The following GRK5 variants were observed in gnomAD, a reference collection of about 807,000 sequenced individuals.
GRK5 encodes the protein G protein-coupled receptor kinase 5.
In GRK5, 40 loss-of-function variants were observed where a neutral mutation model predicts 78.4. The observed-to-expected ratio is 0.51, with a 90% CI of 0.40 to 0.66. The LOEUF (loss-of-function observed/expected upper bound fraction) is 0.66. Among genes scored for constraint, GRK5 ranks in the 30% least tolerant of loss-of-function variants. GRK5 has a pLI of 0.00. For missense variants in GRK5, 598 were observed against 759.9 expected, an observed-to-expected ratio of 0.79 and a Z score of 2.50; for synonymous variants, 289 against 296.8, an observed-to-expected ratio of 0.97 and a Z score of 0.27.
Position 119,453,271 on chromosome 10 carries a change from C to G in GRK5, c.1669C>G (p.Arg557Gly), listed in dbSNP as rs556570876. 3.7e-6 allele frequency: 6 copies of G among 1,613,970 alleles called. No individual in the cohort carries two copies. Among genetic ancestry groups the G allele is most frequent in the Non-Finnish European group, 5.1e-6 (6 of 1,179,994 alleles). The change falls in exon 15 of 16, where the codon CGG becomes GGG. Residue 557 changes from arginine to glycine, a missense_variant. Coordinates refer to ENST00000392870, the MANE Select transcript of GRK5 (RefSeq NM_005308.3). The part of the protein sequence containing the change: ...KKGLLQRLFK[R>G]QHQNNSKSSP... ...AGGGCTGCTCCAGAGACTCTTCAAGCGGCAGGTGAGACACCCATGCCTGGC... is the reference window on the plus strand; with the variant it reads ...AGGGCTGCTCCAGAGACTCTTCAAGGGGCAGGTGAGACACCCATGCCTGGC...
intron 13 of GRK5, among the ~76,000 whole-genome samples, chr10:119,451,398 C>G: frequency 6.6e-6 from 1 of 152,092 alleles, no homozygotes; most frequent in South Asian, 2.1e-4. Flanking sequence ...GCAAGCCACC[C>G]AGGGCCAGCT....
intron 1 of GRK5, among the ~76,000 whole-genome samples, chr10:119,295,718 A>G (rs1850067729): frequency 6.6e-6 from 1 of 152,018 alleles, no homozygotes; most frequent in Non-Finnish European, 1.5e-5. Context: ...AAAACCAAAC[A>G]TCGTATGTTC....
At chr10:119,348,398 A>G (rs142057763) in intron 2 of GRK5, among the ~76,000 whole-genome samples, 10 of 151,804 alleles carry the variant, frequency 6.6e-5, no homozygotes, top group Non-Finnish European at 1.5e-4. Context: ...GTAAGCAGGC[A>G]ATGAATAAGT....
chr10:119,302,472 C>A (rs1351163902), intron 1 of GRK5, among the ~76,000 whole-genome samples: 1 of 152,152 alleles, frequency 6.6e-6, no homozygotes, highest in Non-Finnish European at 1.5e-5. Context: ...GAGCAGTGAC[C>A]ACCTCTAATC....
chr10:119,258,977 T>C (rs966654859), intron 1 of GRK5, among the ~76,000 whole-genome samples: 5 of 152,086 alleles, frequency 3.3e-5, no homozygotes, highest in Non-Finnish European at 5.9e-5. Flanking sequence ...TTTGGAAGTC[T>C]GGCCCAGGTG....
intron 3 of GRK5, among the ~76,000 whole-genome samples, chr10:119,394,895 A>C (rs1345203750): frequency 7.0e-6 from 1 of 143,860 alleles, no homozygotes; most frequent in African/African-American, 2.5e-5. Context: ...GGGGGCACAG[A>C]GGAAGAAAAT....
At position 119,299,673 on chromosome 10, in the gene GRK5, A is replaced by G. The variant is rs142393734; in HGVS notation, c.53-26843A>G. Among the ~76,000 whole-genome samples, 421 of 152,222 alleles carry G rather than the reference A, an allele frequency of 2.8e-3. 1 individual carries two copies. The highest frequency in any genetic ancestry group is 9.6e-3 in the African/African-American group (398 of 41,524). On this transcript the variant is annotated intron_variant, in intron 1 of 15. Coordinates refer to ENST00000392870, the MANE Select transcript of GRK5 (RefSeq NM_005308.3). ...AGTGCAAGGCCTCATTTTCTGCAAG[A>G]AGGAAGTGCAGAGAAGGAATGGGTT...
At chr10:119,363,384 A>G (rs1029935789) in intron 2 of GRK5, among the ~76,000 whole-genome samples, 3 of 152,078 alleles carry the variant, frequency 2.0e-5, no homozygotes, top group Admixed American at 1.3e-4. Context: ...AGGTCATACT[A>G]TTATTATTTC....
At chr10:119,371,324 C>G (rs1023280641) in intron 2 of GRK5, among the ~76,000 whole-genome samples, 2 of 152,250 alleles carry the variant, frequency 1.3e-5, no homozygotes, top group Non-Finnish European at 2.9e-5. Flanking sequence ...CCCTCACTGC[C>G]TGTGTCCTCG....
intron 2 of GRK5, among the ~76,000 whole-genome samples, chr10:119,340,177 G>C (rs1205409982): frequency 6.6e-6 from 1 of 152,028 alleles, no homozygotes; most frequent in Non-Finnish European, 1.5e-5. Flanking sequence ...ACCCATTCTG[G>C]AGTGCAGTGA....
intron 2 of GRK5, among the ~76,000 whole-genome samples, chr10:119,335,631 G>C (rs1039832579): frequency 6.6e-6 from 1 of 152,240 alleles, no homozygotes; most frequent in Non-Finnish European, 1.5e-5. Context: ...CCCAAGTGCT[G>C]GGATTACAGG....
At chr10:119,240,491 A>G (rs1273067332) in intron 1 of GRK5, among the ~76,000 whole-genome samples, 7 of 151,920 alleles carry the variant, frequency 4.6e-5, no homozygotes, top group Middle Eastern at 3.4e-3. Context: ...ATGAGCCACC[A>G]CGCCCGGCCT....
chr10:119,328,789 C>A (rs534944398), intron 2 of GRK5, among the ~76,000 whole-genome samples: 1 of 152,356 alleles, frequency 6.6e-6, no homozygotes, highest in East Asian at 1.9e-4. Context: ...CCTGGCAGGG[C>A]GGTGCTTCCC....
chr10:119,266,981 T>C (rs1849508610), intron 1 of GRK5, among the ~76,000 whole-genome samples: 3 of 152,006 alleles, frequency 2.0e-5, no homozygotes, highest in Admixed American at 2.0e-4. Flanking sequence ...CGGTGACTCA[T>C]GCCTGTAATC....
chr10:119,415,349 C>T (rs1336993976), intron 4 of GRK5, among the ~76,000 whole-genome samples: 1 of 152,018 alleles, frequency 6.6e-6, no homozygotes, highest in Non-Finnish European at 1.5e-5. Context: ...AGGAAACAGC[C>T]AGTGTGGGGC....
At chr10:119,349,182 C>T (rs1360540723) in intron 2 of GRK5, among the ~76,000 whole-genome samples, 2 of 152,148 alleles carry the variant, frequency 1.3e-5, no homozygotes, top group African/African-American at 4.8e-5. Context: ...AAGGAAGGTG[C>T]CGTGGTCAGC....
chr10:119,261,037 G>C (rs1849378967), intron 1 of GRK5, among the ~76,000 whole-genome samples: 1 of 101,620 alleles, frequency 9.8e-6, no homozygotes, highest in Non-Finnish European at 2.1e-5. Flanking sequence ...GCAGGGGGCT[G>C]ACCCCCCCAC....
intron 1 of GRK5, among the ~76,000 whole-genome samples, chr10:119,229,618 C>G (rs916696288): frequency 6.6e-6 from 1 of 152,200 alleles, no homozygotes; most frequent in African/African-American, 2.4e-5. Context: ...TCTTCCTCTT[C>G]AGGACCTTCC....
chr10:119,388,043 T>C (rs1184418021), intron 3 of GRK5, among the ~76,000 whole-genome samples: 1 of 152,006 alleles, frequency 6.6e-6, no homozygotes, highest in Non-Finnish European at 1.5e-5. Flanking sequence ...CTCAAACTCT[T>C]AGGCCCAAAG....
Sources: gnomAD v4.1 joint callset for allele counts (sites outside exome capture counted in the v4.1 genomes callset) on GRCh38, gnomAD v4.1.1 for gene constraint, MANE v1.5 for transcripts, NCBI Gene and HGNC (gene_info 2026-07-23, HGNC 2026-07-21) for gene names.